DSCAM: variants seen among roughly 807,000 people sequenced by gnomAD.
DSCAM encodes cell adhesion molecule DSCAM.
A neutral mutation model predicts 217.7 loss-of-function variants in DSCAM; 47 were observed. The ratio of observed to expected loss-of-function variants is 0.22; its 90% CI spans 0.17 to 0.28. The LOEUF is 0.28. Ranked by LOEUF, DSCAM falls within the 10% of genes least tolerant of loss-of-function variation. The pLI is 1.00. For synonymous variants in DSCAM, 1,056 were observed against 1,015.3 expected (o/e 1.04, Z -0.76); for missense variants, 2,080 against 2,618.3 (o/e 0.79, Z 4.49).
rs907443697 is a variant in DSCAM, at chr21:40,846,742, G to C, written c.-81C>G. ...TCCGCCCGGCCCGGCTCCGCTCGCC[G>C]CTCGGCACCTGCCCGGGGGCCGCCG... On this transcript the variant is annotated 5_prime_UTR_variant, in exon 1 of 33. Transcript: ENST00000400454. 3 of 645,576 alleles carry C rather than the reference G, an allele frequency of 4.6e-6. No individual in the cohort carries two copies. The highest frequency in any genetic ancestry group is 6.5e-5 in the South Asian group (1 of 15,386). The allele number at this position is 645,576 out of a possible 1,614,324, so 40.0% of individuals were successfully genotyped here.
At chr21:40,418,131 T>C (rs2075389500) in intron 3 of DSCAM, among the ~76,000 whole-genome samples, 1 of 152,068 alleles carries the variant, frequency 6.6e-6, no homozygotes, top group African/African-American at 2.4e-5. Flanking sequence ...AGCCAGAGTA[T>C]CAGTTGTGTT....
chr21:40,090,601 C>G (rs181351891), intron 21 of DSCAM, among the ~76,000 whole-genome samples: 14 of 152,342 alleles, frequency 9.2e-5, no homozygotes, highest in Middle Eastern at 6.8e-3. Flanking sequence ...CACAGCCTAA[C>G]ACCCTCCTGG....
At chr21:40,214,735 C>CAAAAAAAAAA (rs1209648217) in intron 11 of DSCAM, among the ~76,000 whole-genome samples, 19 of 67,820 alleles carry the variant, frequency 2.8e-4, no homozygotes, top group East Asian at 4.9e-4. Flanking sequence ...GCAACAACAG[C>CAAAAAAAAAA]AAAAAAAAAA....
At chr21:40,393,112 T>TTTAGAATGCC (rs2075148855) in intron 3 of DSCAM, among the ~76,000 whole-genome samples, 1 of 152,146 alleles carries the variant, frequency 6.6e-6, no homozygotes, top group Admixed American at 6.5e-5. Context: ...GACCACAAAG[T>TTTAGAATGCC]CTTCTTGGAT....
chr21:40,489,502 C>T (rs368034557), intron 3 of DSCAM, among the ~76,000 whole-genome samples: 12 of 152,048 alleles, frequency 7.9e-5, no homozygotes, highest in African/African-American at 2.2e-4. Context: ...GGGCCGGGCG[C>T]GGTGGCTCAC....
chr21:40,701,735 A>G (rs771379705), intron 2 of DSCAM, among the ~76,000 whole-genome samples: 5 of 151,876 alleles, frequency 3.3e-5, no homozygotes, highest in Non-Finnish European at 5.9e-5. Flanking sequence ...GTACTTGGTT[A>G]TTTCTCAGAG....
At chr21:40,843,334 C>T (rs1334764575) in intron 1 of DSCAM, among the ~76,000 whole-genome samples, 2 of 151,508 alleles carry the variant, frequency 1.3e-5, no homozygotes, top group African/African-American at 4.9e-5. Context: ...GAAAATCCCA[C>T]AGCTCAGGAA....
intron 11 of DSCAM, among the ~76,000 whole-genome samples, chr21:40,255,192 T>C (rs952412723): frequency 2.0e-4 from 30 of 152,180 alleles, no homozygotes; most frequent in Non-Finnish European, 1.5e-5. Flanking sequence ...GTACCTGCTG[T>C]GTATGTTACT....
chr21:40,575,215 C>CG (rs398121653), intron 3 of DSCAM, among the ~76,000 whole-genome samples: 1 of 151,324 alleles, frequency 6.6e-6, no homozygotes, highest in African/African-American at 2.4e-5. Flanking sequence ...CTGTGACCCC[C>CG]ACTCCGGCCC....
chr21:40,266,797 TATAC>T lies in DSCAM; in HGVS notation c.2356+9296_2356+9299del, dbSNP rs374847012. Among the ~76,000 whole-genome samples the T allele has an allele frequency of 4.2e-3, 561 of 134,318 alleles. 22 individuals carry two copies. Among genetic ancestry groups the T allele is most frequent in the African/African-American group, 0.015 (492 of 32,806 alleles). The allele number at this position is 134,318 out of a possible 152,430, so 88.1% of individuals were successfully genotyped here. On this transcript the variant is annotated intron_variant, in intron 11 of 32. Transcript: ENST00000400454. The stretch of plus-strand genomic sequence containing the variant: ...ACATGCATATATATATATATATATA[TATAC>T]ACACACACACACCCCCACACACATC...
rs556857137 is a variant in DSCAM at position 40,728,104 on chromosome 21, C to G, written c.44-19333G>C. Among the ~76,000 whole-genome samples, 212 of 152,308 alleles carry G rather than the reference C, an allele frequency of 1.4e-3. 3 individuals carry two copies. The South Asian group carries it at 0.019, about 14-fold the overall frequency. ...TCCACTACTGCAGCGCCCCCTCCGACCCACGCCTGCACTTACTCCCCATGG... is the reference window on the plus strand; with the variant it reads ...TCCACTACTGCAGCGCCCCCTCCGAGCCACGCCTGCACTTACTCCCCATGG... On this transcript the variant is annotated intron_variant, in intron 1 of 32. Coordinates refer to ENST00000400454, the MANE Select transcript of DSCAM (RefSeq NM_001389.5).
chr21:40,640,850 C>CCACA (rs112732293), intron 3 of DSCAM, among the ~76,000 whole-genome samples: 41 of 152,068 alleles, frequency 2.7e-4, no homozygotes, highest in Admixed American at 6.6e-4. Flanking sequence ...CACAAAAACA[C>CCACA]CACACGCACA....
At chr21:40,328,623 T>C (rs1047566034) in intron 8 of DSCAM, among the ~76,000 whole-genome samples, 11 of 151,834 alleles carry the variant, frequency 7.2e-5, no homozygotes, top group Non-Finnish European at 4.4e-5. Flanking sequence ...AACGCAAAAA[T>C]AGAACAATGG....
intron 1 of DSCAM, among the ~76,000 whole-genome samples, chr21:40,716,036 A>G (rs1476003933): frequency 1.3e-5 from 2 of 152,204 alleles, no homozygotes; most frequent in Non-Finnish European, 2.9e-5. Context: ...GACTGCAGGA[A>G]AAAAATGATA....
chr21:40,467,214 AT>A (rs1052221177), intron 3 of DSCAM, among the ~76,000 whole-genome samples: 1 of 152,232 alleles, frequency 6.6e-6, no homozygotes, highest in African/African-American at 2.4e-5. Flanking sequence ...TAGGTCACAA[AT>A]TTTTAGAAAC....
chr21:40,152,205 G>C (rs1173186601), intron 16 of DSCAM, among the ~76,000 whole-genome samples: 1 of 152,106 alleles, frequency 6.6e-6, no homozygotes, highest in African/African-American at 2.4e-5. Flanking sequence ...TTTCCACAGG[G>C]AAAATGTTGA....
chr21:40,646,177 G>A (rs1339325804), intron 3 of DSCAM, among the ~76,000 whole-genome samples: 2 of 152,126 alleles, frequency 1.3e-5, no homozygotes, highest in East Asian at 3.9e-4. Flanking sequence ...AGCACTTTGG[G>A]AGGCCAAGGC....
chr21:40,545,031 G>C (rs570734963), intron 3 of DSCAM, among the ~76,000 whole-genome samples: 3 of 152,136 alleles, frequency 2.0e-5, no homozygotes, highest in Non-Finnish European at 2.9e-5. Flanking sequence ...AGGGTATTAG[G>C]AGGTAGGACT....
chr21:40,435,037 C>G (rs1343723126), intron 3 of DSCAM, among the ~76,000 whole-genome samples: 1 of 152,154 alleles, frequency 6.6e-6, no homozygotes, highest in Non-Finnish European at 1.5e-5. Flanking sequence ...AGAAAGTTTT[C>G]CAATAATGGA....
Sources: gnomAD v4.1 joint callset for allele counts (sites outside exome capture counted in the v4.1 genomes callset) on GRCh38, gnomAD v4.1.1 for gene constraint, MANE v1.5 for transcripts, NCBI Gene and HGNC (gene_info 2026-07-23, HGNC 2026-07-21) for gene names.